Variants in NWD2 observed in about 807,000 individuals in gnomAD.
The protein encoded by NWD2 is NACHT and WD repeat domain containing 2, also known as NACHT and WD repeat domain-containing protein 2.
Under a neutral mutation model 132.7 loss-of-function variants are expected in NWD2, and 37 were observed. The ratio of observed to expected loss-of-function variants is 0.28; its 90% CI spans 0.21 to 0.37. NWD2 has a LOEUF of 0.37. Ranked by LOEUF, NWD2 falls within the 10% of genes least tolerant of loss-of-function variation. The pLI, the probability that NWD2 is intolerant of heterozygous loss-of-function variation, is 1.00. For missense variants in NWD2, 1,592 were observed against 2,122.4 expected (o/e 0.75, Z 4.91); for synonymous variants, 705 against 803.0 (o/e 0.88, Z 2.06).
At chr4:37,273,049 C>G (rs1359092228) in intron 1 of NWD2, among the ~76,000 whole-genome samples, 1 of 151,822 alleles carries the variant, frequency 6.6e-6, no homozygotes, top group African/African-American at 2.4e-5. Context: ...TCATTTTATC[C>G]TGAAGGCCTC....
chr4:37,310,165 T>C (rs1718803916), intron 1 of NWD2, among the ~76,000 whole-genome samples: 1 of 152,238 alleles, frequency 6.6e-6, no homozygotes, highest in African/African-American at 2.4e-5. Flanking sequence ...TCACCAAGAT[T>C]TAATAGAATA....
intron 3 of NWD2, among the ~76,000 whole-genome samples, chr4:37,407,951 C>T (rs1721078310): frequency 6.6e-6 from 1 of 152,128 alleles, no homozygotes; most frequent in East Asian, 1.9e-4. Context: ...TTCTCCCCTA[C>T]CCAAGGGAAG....
chr4:37,434,448 T>G (rs1225163450), intron 5 of NWD2, among the ~76,000 whole-genome samples: 14 of 152,142 alleles, frequency 9.2e-5, no homozygotes. Flanking sequence ...GGAAAAATAT[T>G]CATAAAATAT....
intron 3 of NWD2, among the ~76,000 whole-genome samples, chr4:37,427,653 C>T (rs1712042746): frequency 6.6e-6 from 1 of 152,194 alleles, no homozygotes; most frequent in Non-Finnish European, 1.5e-5. Flanking sequence ...CTAGCCCCTT[C>T]TAAAGGGACT....
chr4:37,403,092 T>C (rs2109316070), intron 3 of NWD2, among the ~76,000 whole-genome samples: 1 of 152,230 alleles, frequency 6.6e-6, no homozygotes, highest in South Asian at 2.1e-4. Flanking sequence ...GTGGAGAAGA[T>C]TTCTAAGCCC....
chr4:37,407,627 A>G (rs1254350649), intron 3 of NWD2, among the ~76,000 whole-genome samples: 1 of 152,244 alleles, frequency 6.6e-6, no homozygotes, highest in Non-Finnish European at 1.5e-5. Flanking sequence ...AAGACAATGT[A>G]TAGACTTCAC....
chr4:37,338,853 C>G (rs1416554958), intron 2 of NWD2, among the ~76,000 whole-genome samples: 1 of 152,184 alleles, frequency 6.6e-6, no homozygotes, highest in Non-Finnish European at 1.5e-5. Flanking sequence ...GTCTTCCTGC[C>G]TGAGAATCTC....
At chr4:37,392,700 T>G (rs999080814) in intron 3 of NWD2, among the ~76,000 whole-genome samples, 1 of 152,210 alleles carries the variant, frequency 6.6e-6, no homozygotes, top group Non-Finnish European at 1.5e-5. Flanking sequence ...TTACTCATTT[T>G]GCTAGCTTGA....
At chr4:37,292,492 G>A (rs1380759392) in intron 1 of NWD2, among the ~76,000 whole-genome samples, 1 of 152,080 alleles carries the variant, frequency 6.6e-6, no homozygotes, top group Non-Finnish European at 1.5e-5. Context: ...TTCCAGAACT[G>A]TGAGAAATAA....
chr4:37,306,972 C>T (rs997572831), intron 1 of NWD2, among the ~76,000 whole-genome samples: 7 of 150,260 alleles, frequency 4.7e-5, no homozygotes, highest in Non-Finnish European at 1.0e-4. Context: ...TGTAGTGAGC[C>T]GAGATTGCGC....
At chr4:37,394,722 T>C (rs1349983009) in intron 3 of NWD2, among the ~76,000 whole-genome samples, 3 of 151,854 alleles carry the variant, frequency 2.0e-5, no homozygotes, top group African/African-American at 2.4e-5. Flanking sequence ...TATAGGAAAT[T>C]TGTTTCTCCC....
intron 3 of NWD2, among the ~76,000 whole-genome samples, chr4:37,375,533 G>A (rs563187744): frequency 6.6e-6 from 1 of 150,756 alleles, no homozygotes; most frequent in African/African-American, 2.4e-5. Flanking sequence ...CACAGGTGAG[G>A]TATAAACTTA....
chr4:37,407,299 C>A (rs2109317693), intron 3 of NWD2, among the ~76,000 whole-genome samples: 1 of 152,214 alleles, frequency 6.6e-6, no homozygotes, highest in African/African-American at 2.4e-5. Flanking sequence ...TTGAAGAAGG[C>A]AAATGACAAC....
At chr4:37,249,790 T>C (rs1717315915) in intron 1 of NWD2, among the ~76,000 whole-genome samples, 1 of 152,066 alleles carries the variant, frequency 6.6e-6, no homozygotes, top group African/African-American at 2.4e-5. Context: ...GTTGATCAGG[T>C]GTTCATACCA....
chr4:37,429,792 AG>A (rs1019387418), intron 3 of NWD2, among the ~76,000 whole-genome samples: 1 of 152,246 alleles, frequency 6.6e-6, no homozygotes, highest in Non-Finnish European at 1.5e-5. Flanking sequence ...TATTCTTGTA[AG>A]TCCTGATTTG....
At chr4:37,353,630 C>T (rs56376455) in intron 2 of NWD2, among the ~76,000 whole-genome samples, 16,647 of 151,564 alleles carry the variant, frequency 0.11, 1,229 homozygotes, top group South Asian at 0.24. Context: ...TCTGCTTGAT[C>T]GATTCAGCTA....
At chr4:37,412,809 G>GCCTC (rs1284825217) in intron 3 of NWD2, among the ~76,000 whole-genome samples, 1 of 152,058 alleles carries the variant, frequency 6.6e-6, no homozygotes, top group African/African-American at 2.4e-5. Flanking sequence ...CAGAACACAG[G>GCCTC]CCTCAGAAAT....
At chr4:37,417,803 G>A (rs931207072) in intron 3 of NWD2, among the ~76,000 whole-genome samples, 31 of 152,138 alleles carry the variant, frequency 2.0e-4, no homozygotes, top group Admixed American at 6.5e-5. Context: ...AGCAACAGGA[G>A]GAGGCTAGAA....
intron 1 of NWD2, among the ~76,000 whole-genome samples, chr4:37,256,446 A>T (rs910565799): frequency 1.3e-5 from 2 of 152,224 alleles, no homozygotes. Context: ...ATCTACTTAC[A>T]TGAGGTGGAA....
Sources: allele counts gnomAD v4.1 joint callset (sites outside exome capture counted in the v4.1 genomes callset), GRCh38; gene constraint gnomAD v4.1.1; transcripts MANE v1.5; gene names NCBI Gene and HGNC (gene_info 2026-07-23, HGNC 2026-07-21).